RTCB: variants seen among roughly 807,000 people sequenced by gnomAD.
RTCB encodes RNA 2',3'-cyclic phosphate and 5'-OH ligase.
RTCB carries 32 observed loss-of-function variants against 58.2 expected under a neutral mutation model. The observed-to-expected ratio is 0.55, with a 90% CI of 0.41 to 0.74. The LOEUF (loss-of-function observed/expected upper bound fraction) is 0.74. RTCB is among the 30% of genes least tolerant of loss of function. RTCB has a pLI of 0.00. For synonymous variants in RTCB, 247 were observed against 218.6 expected (o/e 1.13, Z -1.15); for missense variants, 523 against 639.0 (o/e 0.82, Z 1.96).
chr22:32,398,587 A>G (rs1365354073), intron 6 of RTCB, among the ~76,000 whole-genome samples: 1 of 152,228 alleles, frequency 6.6e-6, no homozygotes, highest in Admixed American at 6.5e-5. Flanking sequence ...AAACCAGCAC[A>G]TGTATCCCAG....
rs1261116648 is a variant in RTCB, at chr22:32,388,024, T to G, written c.1486A>C (p.Lys496Gln). 6.2e-7 allele frequency: 1 copy of G among 1,614,036 alleles called. No homozygotes were observed. The highest frequency in any genetic ancestry group is 8.5e-7 in the Non-Finnish European group (1 of 1,179,848). ...HDAGISKKAI[K>Q]LRPIAVIKG Reference sequence around the variant, plus strand: ...TTGATCACAGCAATTGGTCTCAGTTTAATGGCTTTCTTGCTGATTCCAGCA... The same window carrying G: ...TTGATCACAGCAATTGGTCTCAGTTGAATGGCTTTCTTGCTGATTCCAGCA... Residue 496 changes from lysine to glutamine, a missense_variant, in exon 12 of 12, where the codon AAA (lysine) becomes CAA (glutamine). Coordinates refer to ENST00000216038, the MANE Select transcript of RTCB (RefSeq NM_014306.5).
At chr22:32,402,251 T>C (rs146908168) in intron 4 of RTCB, among the ~76,000 whole-genome samples, 9 of 152,330 alleles carry the variant, frequency 5.9e-5, no homozygotes, top group East Asian at 1.9e-4. Context: ...TTCTTGGTCC[T>C]TTCTATAACA....
chr22:32,399,859 C>T lies in RTCB; in HGVS notation c.498-100G>A, dbSNP rs555052372. 4.0e-5 allele frequency: 46 copies of T among 1,140,808 alleles called. 1 individual carries two copies. In the African/African-American group the frequency reaches 5.8e-4, roughly 14 times the overall value. 70.7% of individuals were successfully genotyped at this position (1,140,808 alleles called of 1,614,324 possible). A position where few individuals can be genotyped will look rare whatever the true frequency, so the allele number is the denominator to read the frequency against. ...AGGGCAGAGAAAAACTCGACATTTA[C>T]TATCTCCTGTGTTCCAAGCCTTGAG... On this transcript the variant is annotated intron_variant, in intron 5 of 11. Coordinates refer to ENST00000216038, the MANE Select transcript of RTCB (RefSeq NM_014306.5).
intron 11 of RTCB, 82 bp from the exon 12 acceptor site, chr22:32,388,181 T>A: frequency 1.2e-6 from 1 of 814,076 alleles, no homozygotes; most frequent in Non-Finnish European, 2.1e-6. Flanking sequence ...TGTGATGAAA[T>A]AAATGCACAC....
chr22:32,410,018 G>A (rs1219376874), intron 1 of RTCB, among the ~76,000 whole-genome samples: 2 of 151,994 alleles, frequency 1.3e-5, no homozygotes, highest in African/African-American at 2.4e-5. Context: ...GAAGTTTCAC[G>A]TGTTAGCCAG....
chr22:32,388,147 T>C, intron 11 of RTCB, 48 bp from the exon 12 acceptor site: 1 of 1,156,246 alleles, frequency 8.6e-7, no homozygotes. Flanking sequence ...GAAAACACAG[T>C]CTTTACAAGC....
At chr22:32,399,566 A>G in intron 6 of RTCB, 37 bp downstream of exon 6, 1 of 1,546,522 alleles carries the variant, frequency 6.5e-7, no homozygotes, top group South Asian at 1.2e-5. Context: ...AAAATATGAA[A>G]AAAAAATTAA....
Position 32,396,222 on chromosome 22 carries a change from A to T in RTCB, c.842T>A (p.Met281Lys). 6.2e-7 allele frequency: 1 copy of T among 1,614,168 alleles called. No homozygotes were observed. Among genetic ancestry groups the T allele is most frequent in the Non-Finnish European group, 8.5e-7 (1 of 1,180,032 alleles). The change falls in exon 8 of 12, where the codon ATG (methionine) becomes AAG (lysine). Residue 281 changes from methionine (M) to lysine (K), a missense_variant. Met to Lys is a moderately conservative substitution (Grantham distance 95). Around this residue, in one of 3 missense-constraint regions of RTCB, gnomAD observed 248 missense variants for 292.5 expected, o/e 0.85. Coordinates refer to ENST00000216038, the MANE Select transcript of RTCB (RefSeq NM_014306.5). The part of the protein sequence containing the change: ...TDALVAMEKA[M>K]KRDKIIVNDR... ...ATTGACTATAATCTTGTCTCTCTTC[A>T]TGGCCTTCTCCATAGCTACCAGCGC...
intron 3 of RTCB, 128 bp downstream of exon 3, chr22:32,408,047 T>C (rs2051257599): frequency 1.2e-6 from 1 of 820,668 alleles, no homozygotes; most frequent in Admixed American, 2.6e-5. Flanking sequence ...CCACTGAGCC[T>C]GGCTTCATGG....
chr22:32,409,821 TTG>T (rs371498509), intron 1 of RTCB, among the ~76,000 whole-genome samples: 13,678 of 67,532 alleles, frequency 0.2, 1,028 homozygotes, highest in African/African-American at 0.35. Flanking sequence ...TTATATACTT[TTG>T]TTTTTTTTTT....
In RTCB at chr22:32,387,943, C is replaced by G. The variant is rs750696476; in HGVS notation, c.*49G>C. 2.1e-5 allele frequency: 25 copies of G among 1,213,072 alleles called. No individual in the cohort carries two copies. Among genetic ancestry groups the G allele is most frequent in the Middle Eastern group, 2.0e-4 (1 of 5,126 alleles). 75.1% of individuals were successfully genotyped at this position (1,213,072 alleles called of 1,614,324 possible). A position where few individuals can be genotyped will look rare whatever the true frequency, so the allele number is the denominator to read the frequency against. On this transcript the variant is annotated 3_prime_UTR_variant, in exon 12 of 12. Coordinates refer to ENST00000216038, the MANE Select transcript of RTCB (RefSeq NM_014306.5). ...GTCAGAAGAGCATGTCAGTCCACTTCCACTTCAGAGAGGGTTGGTGGTGTC... is the reference window on the plus strand; with the variant it reads ...GTCAGAAGAGCATGTCAGTCCACTTGCACTTCAGAGAGGGTTGGTGGTGTC...
At chr22:32,401,281 G>A (rs1358319479) in intron 5 of RTCB, among the ~76,000 whole-genome samples, 2 of 150,854 alleles carry the variant, frequency 1.3e-5, no homozygotes, top group East Asian at 3.9e-4. Flanking sequence ...TTTTAGAGAC[G>A]AGATCTATGT....
intron 1 of RTCB, among the ~76,000 whole-genome samples, chr22:32,410,528 C>T (rs982952875): frequency 6.6e-6 from 1 of 152,008 alleles, no homozygotes; most frequent in African/African-American, 2.4e-5. Flanking sequence ...AGTCTCTATT[C>T]CCAAAGGAAA....
intron 1 of RTCB, among the ~76,000 whole-genome samples, chr22:32,409,302 C>CTTTT (rs1933480441): frequency 6.6e-6 from 1 of 152,076 alleles, no homozygotes; most frequent in Non-Finnish European, 1.5e-5. Flanking sequence ...TAGCAAATTA[C>CTTTT]ATTTTATTGT....
At chr22:32,390,453 CTTT>C (rs1303865991) in intron 11 of RTCB, among the ~76,000 whole-genome samples, 1 of 145,370 alleles carries the variant, frequency 6.9e-6, no homozygotes, top group African/African-American at 2.5e-5. Flanking sequence ...TTTCCAAATC[CTTT>C]TTTTTTTTTT....
At position 32,412,220 on chromosome 22, in the gene RTCB, GCTTCTCAGAGCA is replaced by G; in HGVS notation, c.-76_-65del. The G allele has an allele frequency of 7.4e-7, 1 of 1,351,498 alleles. No homozygotes were observed. The highest frequency in any genetic ancestry group is 1.3e-5 in the South Asian group (1 of 77,390). The allele number at this position is 1,351,498 out of a possible 1,614,324, so 83.7% of individuals were successfully genotyped here. A position where few individuals can be genotyped will look rare whatever the true frequency, so the allele number is the denominator to read the frequency against. On this transcript the variant is annotated 5_prime_UTR_variant, in exon 1 of 12. Coordinates refer to ENST00000216038, the MANE Select transcript of RTCB (RefSeq NM_014306.5). The stretch of plus-strand genomic sequence containing the variant: ...TGAAGAGCCGCTGCCGCGTAGTCCG[GCTTCTCAGAGCA>G]CCGCCTTCCAAGAACCAAAGCGCAG...
chr22:32,397,831 T>A, intron 7 of RTCB, 110 bp downstream of exon 7: 1 of 955,964 alleles, frequency 1.0e-6, no homozygotes, highest in Non-Finnish European at 1.5e-6. Context: ...GTTATTTAAT[T>A]GTTGAGGACT....
intron 6 of RTCB, 78 bp from the exon 7 acceptor site, chr22:32,398,178 AAAAC>A (rs1042248348): frequency 7.5e-6 from 11 of 1,465,448 alleles, no homozygotes; most frequent in Admixed American, 6.5e-5. Context: ...CAAAAAGATA[AAAAC>A]AAACTAACAA....
chr22:32,388,990 T>C (rs1933106409), intron 11 of RTCB, among the ~76,000 whole-genome samples: 1 of 152,150 alleles, frequency 6.6e-6, no homozygotes, highest in Admixed American at 6.5e-5. Flanking sequence ...GTGACTGCTG[T>C]TTTCCCCAAA....
Sources: allele counts gnomAD v4.1 joint callset (sites outside exome capture counted in the v4.1 genomes callset), GRCh38; gene constraint gnomAD v4.1.1; regional missense constraint gnomAD v4.1.1; transcripts MANE v1.5; gene names NCBI Gene and HGNC (gene_info 2026-07-23, HGNC 2026-07-21).